The following ERBB4 variants were observed in gnomAD, a reference collection of about 807,000 sequenced individuals.
The protein encoded by ERBB4 is receptor tyrosine-protein kinase erbB-4.
In ERBB4, 42 loss-of-function variants were observed where a neutral mutation model predicts 158.0. The ratio of observed to expected loss-of-function variants is 0.27; its 90% CI spans 0.21 to 0.34. The LOEUF (loss-of-function observed/expected upper bound fraction) is 0.34, where lower values mean the gene tolerates loss of function less well. Among genes scored for constraint, ERBB4 ranks in the 10% least tolerant of loss-of-function variants. The probability of loss-of-function intolerance (pLI) is 1.00; values close to 1 mark genes in which losing one functional copy is unlikely to be tolerated. For missense variants in ERBB4, 1,333 were observed against 1,624.1 expected, an observed-to-expected ratio of 0.82 and a Z score of 3.08; for synonymous variants, 583 against 558.7, an observed-to-expected ratio of 1.04 and a Z score of -0.61.
chr2:212,488,396 C>T (rs1349388690), intron 1 of ERBB4, among the ~76,000 whole-genome samples: 1 of 151,430 alleles, frequency 6.6e-6, no homozygotes, highest in Non-Finnish European at 1.5e-5. Context: ...TATAGTCATC[C>T]CTCTAGTTTT....
Position 211,377,674 on chromosome 2 carries a change from G to A in ERBB4, c.*5941C>T, listed in dbSNP as rs1361886639. The A allele has an allele frequency of 2.2e-5, 5 of 232,342 alleles. No individual in the cohort carries two copies. The highest frequency in any genetic ancestry group is 3.4e-5 in the Non-Finnish European group (4 of 117,520). The allele number at this position is 232,342 out of a possible 1,614,324, so 14.4% of individuals were successfully genotyped here. On this transcript the variant is annotated 3_prime_UTR_variant, in exon 28 of 28. Transcript: ENST00000342788. ...TTTACAGCAGCTACAAAATATTTACGATTAGGAACCAAATAAGATGAATAA... is the reference window on the plus strand; with the variant it reads ...TTTACAGCAGCTACAAAATATTTACAATTAGGAACCAAATAAGATGAATAA...
At position 212,109,754 on chromosome 2, in the gene ERBB4, C is replaced by T. The variant is rs142814539; in HGVS notation, c.234+14998G>A. On this transcript the variant is annotated intron_variant, in intron 2 of 27. Coordinates refer to ENST00000342788, the MANE Select transcript of ERBB4 (RefSeq NM_005235.3). Reference sequence around the variant, plus strand: ...GGTAAAAGAGAGCATTAAGCAAGAGCGTGATCAAACAATTCAATATTAATA... The same window carrying T: ...GGTAAAAGAGAGCATTAAGCAAGAGTGTGATCAAACAATTCAATATTAATA... Among the ~76,000 whole-genome samples the T allele has an allele frequency of 3.9e-3, 600 of 152,178 alleles. 2 individuals are homozygous for T. The highest frequency in any genetic ancestry group is 6.4e-3 in the Non-Finnish European group (432 of 68,020).
chr2:211,587,061 C>T (rs1437250700), intron 19 of ERBB4, among the ~76,000 whole-genome samples: 1 of 152,092 alleles, frequency 6.6e-6, no homozygotes, highest in Non-Finnish European at 1.5e-5. Context: ...AAGTGAGGAA[C>T]CATCTGTAGG....
chr2:212,251,641 T>C (rs953563391), intron 1 of ERBB4, among the ~76,000 whole-genome samples: 12 of 151,900 alleles, frequency 7.9e-5, no homozygotes, highest in Non-Finnish European at 7.4e-5. Context: ...GCAAAAGGAA[T>C]AGCAAATGCA....
chr2:211,744,803 T>G (rs1166808491), intron 5 of ERBB4, among the ~76,000 whole-genome samples: 1 of 152,204 alleles, frequency 6.6e-6, no homozygotes, highest in African/African-American at 2.4e-5. Context: ...GTGTGGGGCT[T>G]TTTAATACTT....
At position 211,739,132 on chromosome 2, in the gene ERBB4, C is replaced by T. The variant is rs149125256; in HGVS notation, c.622+11507G>A. Among the ~76,000 whole-genome samples the T allele has an allele frequency of 7.9e-4, 120 of 151,984 alleles. 5 individuals are homozygous for T. The South Asian group carries it at 0.023, about 29-fold the overall frequency. On this transcript the variant is annotated intron_variant, in intron 5 of 27. Coordinates refer to ENST00000342788, the MANE Select transcript of ERBB4 (RefSeq NM_005235.3). ...AAATATAGACTATATATAGTCTATCCTATGCTCTTTAGACTTTTAATGTAC... is the reference window on the plus strand; with the variant it reads ...AAATATAGACTATATATAGTCTATCTTATGCTCTTTAGACTTTTAATGTAC...
chr2:211,820,328 C>A (rs2076967226), intron 3 of ERBB4, among the ~76,000 whole-genome samples: 1 of 151,630 alleles, frequency 6.6e-6, no homozygotes, highest in African/African-American at 2.4e-5. Context: ...ATTTGAAAAC[C>A]TAGAGGAAAA....
At chr2:212,481,435 C>T (rs1306338896) in intron 1 of ERBB4, among the ~76,000 whole-genome samples, 1 of 152,112 alleles carries the variant, frequency 6.6e-6, no homozygotes, top group Non-Finnish European at 1.5e-5. Context: ...ACTTTTTAAT[C>T]CTAGCATAAA....
chr2:212,441,222 C>G (rs2105976944), intron 1 of ERBB4, among the ~76,000 whole-genome samples: 1 of 152,288 alleles, frequency 6.6e-6, no homozygotes, highest in South Asian at 2.1e-4. Context: ...AACAGCTTCC[C>G]CATCCCCAGT....
intron 4 of ERBB4, among the ~76,000 whole-genome samples, chr2:211,754,750 G>A (rs1385242407): frequency 6.6e-6 from 1 of 150,994 alleles, no homozygotes; most frequent in Non-Finnish European, 1.5e-5. Flanking sequence ...CCCCAGGCTG[G>A]AGTGCAATGG....
At chr2:212,429,154 C>T (rs1402647541) in intron 1 of ERBB4, 3 of 152,200 alleles carry the variant, frequency 2.0e-5, no homozygotes, top group Non-Finnish European at 1.5e-5. Context: ...CAAAGAGAAA[C>T]TTACAAATGC....
intron 1 of ERBB4, among the ~76,000 whole-genome samples, chr2:212,329,992 T>C (rs970372723): frequency 1.3e-5 from 2 of 152,040 alleles, no homozygotes; most frequent in African/African-American, 4.8e-5. Flanking sequence ...TAGATCAATC[T>C]CTGAAGTTCC....
chr2:212,401,713 G>T (rs912446142), intron 1 of ERBB4, among the ~76,000 whole-genome samples: 1 of 151,936 alleles, frequency 6.6e-6, no homozygotes, highest in Non-Finnish European at 1.5e-5. Flanking sequence ...CATGGATTGC[G>T]TTATTATATA....
intron 5 of ERBB4, among the ~76,000 whole-genome samples, chr2:211,737,242 A>C (rs928929296): frequency 6.6e-6 from 1 of 152,200 alleles, no homozygotes; most frequent in Non-Finnish European, 1.5e-5. Context: ...ACACACAATT[A>C]AAAGTAATTC....
intron 20 of ERBB4, among the ~76,000 whole-genome samples, chr2:211,558,047 T>C (rs1322123215): frequency 2.0e-5 from 3 of 152,168 alleles, no homozygotes; most frequent in South Asian, 2.1e-4. Flanking sequence ...TTAGCACTTA[T>C]ACAGGGGAGC....
intron 1 of ERBB4, among the ~76,000 whole-genome samples, chr2:212,158,710 C>T (rs2081115563): frequency 6.6e-6 from 1 of 151,824 alleles, no homozygotes; most frequent in South Asian, 2.1e-4. Context: ...TTGTGTCCAC[C>T]ACGAGCTAGC....
At position 211,953,467 on chromosome 2, in the gene ERBB4, A is replaced by G. The variant is rs1379820124; in HGVS notation, c.235-5851T>C. On this transcript the variant is annotated intron_variant, in intron 2 of 27. Coordinates refer to ENST00000342788, the MANE Select transcript of ERBB4 (RefSeq NM_005235.3). ...GATATTAAATAAAGGTTTTTCTCCA[A>G]AAAAAAAAAAAAAAAAAAAAGAAGA... Among the ~76,000 whole-genome samples the G allele has an allele frequency of 2.3e-5, 3 of 129,174 alleles. No individual in the cohort carries two copies. The East Asian group carries it at 6.0e-4, about 26-fold the overall frequency. The allele number at this position is 129,174 out of a possible 152,430, so 84.7% of individuals were successfully genotyped here. A position where few individuals can be genotyped will look rare whatever the true frequency, so the allele number is the denominator to read the frequency against.
At chr2:211,545,105 C>T (rs956237588) in intron 20 of ERBB4, among the ~76,000 whole-genome samples, 45 of 152,002 alleles carry the variant, frequency 3.0e-4, no homozygotes, top group Non-Finnish European at 2.9e-5. Context: ...ATAGTAGAAA[C>T]TGAGTCATTT....
At chr2:212,407,755 C>T (rs1005112697) in intron 1 of ERBB4, among the ~76,000 whole-genome samples, 1 of 152,028 alleles carries the variant, frequency 6.6e-6, no homozygotes, top group Non-Finnish European at 1.5e-5. Context: ...AGACCATCTG[C>T]TGTCCTAGAA....
Sources: gnomAD v4.1 joint callset for allele counts (sites outside exome capture counted in the v4.1 genomes callset) on GRCh38, gnomAD v4.1.1 for gene constraint, MANE v1.5 for transcripts, NCBI Gene and HGNC (gene_info 2026-07-23, HGNC 2026-07-21) for gene names.